The following ARHGAP10 variants were observed in gnomAD, a reference collection of about 807,000 sequenced individuals.
ARHGAP10 encodes the protein rho GTPase-activating protein 10.
ARHGAP10 carries 87 observed loss-of-function variants against 108.6 expected under a neutral mutation model. The observed-to-expected ratio is 0.80, with a 90% CI of 0.67 to 0.96. The LOEUF is 0.96. Among genes scored for constraint, ARHGAP10 ranks in the 40% least tolerant of loss-of-function variants. The pLI, the probability that ARHGAP10 is intolerant of heterozygous loss-of-function variation, is 0.00. For synonymous variants in ARHGAP10, 347 were observed against 341.1 expected (o/e 1.02, Z -0.19); for missense variants, 939 against 954.5 (o/e 0.98, Z 0.21).
rs534771295 is a variant in ARHGAP10 at position 147,915,675 on chromosome 4, A to G, written c.1228+2536A>G. ...TGTTAGCTTTTCTCATTTAAAAATA[A>G]GAGACAAAAAGCATATATTTTTCTT... On this transcript the variant is annotated intron_variant, in intron 13 of 22. Transcript: ENST00000336498. 9.5e-4 allele frequency among the ~76,000 whole-genome samples: 145 copies of G among 152,392 alleles called. 1 individual carries two copies. The highest frequency in any genetic ancestry group is 3.2e-3 in the African/African-American group (132 of 41,600).
chr4:147,957,883 C>G (rs1180213606), intron 16 of ARHGAP10, among the ~76,000 whole-genome samples: 1 of 152,086 alleles, frequency 6.6e-6, no homozygotes, highest in African/African-American at 2.4e-5. Context: ...AAAAAAAGAT[C>G]AACTTACTTT....
intron 1 of ARHGAP10, among the ~76,000 whole-genome samples, chr4:147,819,882 G>C (rs1732412947): frequency 6.6e-6 from 1 of 152,154 alleles, no homozygotes; most frequent in Non-Finnish European, 1.5e-5. Context: ...TTACAGGTTT[G>C]GCTGCTGTTT....
chr4:147,778,403 A>G (rs1730393558), intron 1 of ARHGAP10, among the ~76,000 whole-genome samples: 5 of 152,156 alleles, frequency 3.3e-5, no homozygotes. Flanking sequence ...GAGATCTGCC[A>G]TGACATGAGC....
chr4:147,735,334 T>A (rs1329639552), intron 1 of ARHGAP10, among the ~76,000 whole-genome samples: 1 of 152,178 alleles, frequency 6.6e-6, no homozygotes, highest in African/African-American at 2.4e-5. Context: ...GGTTAAACAT[T>A]TAGTGACAAG....
intron 13 of ARHGAP10, among the ~76,000 whole-genome samples, chr4:147,918,834 C>G (rs1228406141): frequency 2.0e-5 from 3 of 152,186 alleles, no homozygotes; most frequent in African/African-American, 7.2e-5. Flanking sequence ...GAGCAGAGGA[C>G]CAAGCATCTC....
At chr4:148,018,052 A>G (rs976053057) in intron 18 of ARHGAP10, among the ~76,000 whole-genome samples, 2 of 152,144 alleles carry the variant, frequency 1.3e-5, no homozygotes, top group East Asian at 3.9e-4. Flanking sequence ...CGAGTAAGCA[A>G]GCACTTCCTT....
At chr4:147,751,302 A>C (rs1447729508) in intron 1 of ARHGAP10, among the ~76,000 whole-genome samples, 1 of 152,176 alleles carries the variant, frequency 6.6e-6, no homozygotes, top group Non-Finnish European at 1.5e-5. Flanking sequence ...AGAAGTACTA[A>C]AACAAGTTTA....
intron 7 of ARHGAP10, among the ~76,000 whole-genome samples, chr4:147,871,180 G>A (rs1336890979): frequency 6.6e-6 from 1 of 152,070 alleles, no homozygotes; most frequent in African/African-American, 2.4e-5. Context: ...GGATGGTCTC[G>A]ATCTCCTGAT....
At chr4:148,013,946 T>G (rs569961623) in intron 18 of ARHGAP10, among the ~76,000 whole-genome samples, 2 of 152,294 alleles carry the variant, frequency 1.3e-5, no homozygotes, top group South Asian at 4.1e-4. Context: ...AATTTTACAT[T>G]TACTACTTTT....
intron 15 of ARHGAP10, among the ~76,000 whole-genome samples, chr4:147,947,872 C>A (rs1385454600): frequency 1.3e-5 from 2 of 151,572 alleles, no homozygotes; most frequent in South Asian, 2.1e-4. Context: ...ACCCTCATGG[C>A]TCTATTATCC....
chr4:147,834,226 T>A (rs112387712), intron 3 of ARHGAP10, among the ~76,000 whole-genome samples: 1 of 152,094 alleles, frequency 6.6e-6, no homozygotes, highest in East Asian at 1.9e-4. Context: ...TCCCAGCACT[T>A]TGGGAGGTGA....
At chr4:147,830,707 A>T (rs1732924438) in intron 3 of ARHGAP10, among the ~76,000 whole-genome samples, 2 of 151,914 alleles carry the variant, frequency 1.3e-5, no homozygotes, top group Non-Finnish European at 2.9e-5. Flanking sequence ...TTTAGTAGAG[A>T]CGGGGTTTCA....
chr4:147,935,164 G>T (rs1737874549), intron 13 of ARHGAP10, among the ~76,000 whole-genome samples: 1 of 152,182 alleles, frequency 6.6e-6, no homozygotes, highest in Admixed American at 6.5e-5. Flanking sequence ...GCTGTCTGTT[G>T]TGATTAAGTT....
chr4:147,897,221 T>G (rs1394893010), intron 10 of ARHGAP10, among the ~76,000 whole-genome samples: 5 of 151,696 alleles, frequency 3.3e-5, no homozygotes, highest in Admixed American at 2.0e-4. Flanking sequence ...TAGCCATTGC[T>G]TTTTAAGCAG....
chr4:147,880,177 A>G (rs1467801766), intron 9 of ARHGAP10, among the ~76,000 whole-genome samples: 1 of 152,244 alleles, frequency 6.6e-6, no homozygotes, highest in East Asian at 1.9e-4. Flanking sequence ...CTAGAGACAA[A>G]GCTTCCCACC....
intron 3 of ARHGAP10, among the ~76,000 whole-genome samples, chr4:147,839,298 A>G (rs1471051854): frequency 6.6e-6 from 1 of 152,220 alleles, no homozygotes; most frequent in East Asian, 1.9e-4. Flanking sequence ...GTTTAATGAA[A>G]TGGGAAGTAT....
intron 18 of ARHGAP10, among the ~76,000 whole-genome samples, chr4:147,976,541 G>GT (rs56763356): frequency 0.13 from 17,810 of 140,282 alleles, 1,248 homozygotes; most frequent in African/African-American, 0.21. Context: ...TTTGTGTGTG[G>GT]TTTTTTTTTT....
chr4:147,967,406 A>G (rs1001673552), intron 18 of ARHGAP10, among the ~76,000 whole-genome samples: 1 of 152,206 alleles, frequency 6.6e-6, no homozygotes, highest in African/African-American at 2.4e-5. Context: ...AGGAGGAGAA[A>G]TTGGGGAAGG....
At chr4:147,991,975 A>T (rs371765347) in intron 18 of ARHGAP10, among the ~76,000 whole-genome samples, 1 of 152,226 alleles carries the variant, frequency 6.6e-6, no homozygotes, top group Non-Finnish European at 1.5e-5. Context: ...TGTCAGCCAC[A>T]TTCAAAAAGT....
Sources: gnomAD v4.1 joint callset for allele counts (sites outside exome capture counted in the v4.1 genomes callset) on GRCh38, gnomAD v4.1.1 for gene constraint, MANE v1.5 for transcripts, NCBI Gene and HGNC (gene_info 2026-07-23, HGNC 2026-07-21) for gene names.